Variants in SEMA3F observed in about 807,000 individuals in gnomAD.
The protein encoded by SEMA3F is semaphorin 3F, also known as semaphorin-3F.
Under a neutral mutation model 98.5 loss-of-function variants are expected in SEMA3F, and 30 were observed. That is an observed-to-expected ratio of 0.30 (90% CI 0.23 to 0.41). The LOEUF is 0.41. SEMA3F is among the 10% of genes least tolerant of loss of function. The probability of loss-of-function intolerance (pLI) is 1.00; values close to 1 mark genes in which losing one functional copy is unlikely to be tolerated. For synonymous variants in SEMA3F, 380 were observed against 444.8 expected (o/e 0.85, Z 1.83); for missense variants, 866 against 1,119.3 (o/e 0.77, Z 3.23).
chr3:50,183,305 G>A (rs1329702830), intron 11 of SEMA3F, 50 bp downstream of exon 11: 11 of 1,607,552 alleles, frequency 6.8e-6, no homozygotes, highest in Admixed American at 3.3e-5. Context: ...CCCGTTGGGG[G>A]ATTGTAACTC....
At chr3:50,168,177 C>G (rs1698473578) in intron 2 of SEMA3F, among the ~76,000 whole-genome samples, 1 of 152,014 alleles carries the variant, frequency 6.6e-6, no homozygotes, top group Non-Finnish European at 1.5e-5. Flanking sequence ...TCTGGAAGGC[C>G]TGGCTAGAGA....
At chr3:50,162,603 C>T (rs540164973) in intron 2 of SEMA3F, among the ~76,000 whole-genome samples, 1 of 152,222 alleles carries the variant, frequency 6.6e-6, no homozygotes, top group Admixed American at 6.5e-5. Context: ...CCTTCCCCCA[C>T]CTTGAGATGA....
chr3:50,172,185 A>G (rs892795958), intron 2 of SEMA3F, among the ~76,000 whole-genome samples: 2 of 151,816 alleles, frequency 1.3e-5, no homozygotes, highest in African/African-American at 4.8e-5. Flanking sequence ...GACATGTGTG[A>G]CCCCCTTGGT....
At chr3:50,181,769 T>A (rs1359732335) in intron 7 of SEMA3F, among the ~76,000 whole-genome samples, 3 of 152,092 alleles carry the variant, frequency 2.0e-5, no homozygotes, top group Non-Finnish European at 2.9e-5. Context: ...TACAGGCACC[T>A]GCCACCATGC....
chr3:50,166,500 G>A lies in SEMA3F; in HGVS notation c.112+6766G>A, dbSNP rs1485201686. Among the ~76,000 whole-genome samples, 1 of 152,214 alleles carries A rather than the reference G, an allele frequency of 6.6e-6. No individual in the cohort carries two copies. Among genetic ancestry groups the A allele is most frequent in the Admixed American group, 6.5e-5 (1 of 15,284 alleles). On this transcript the variant is annotated intron_variant, in intron 2 of 18. Transcript: ENST00000002829. This position sits in a 1 kb window ranked among gnomAD's most constrained non-coding sequence, Gnocchi z 4.7. ...GAGTGCTCACTGCCTGCCCTTGACT[G>A]GCTACCTGCTGAGTCCTGCTGAGGT...
At chr3:50,184,856 C>T (rs770739142) in intron 13 of SEMA3F, 42 bp downstream of exon 13, 43 of 1,492,818 alleles carry the variant, frequency 2.9e-5, no homozygotes, top group South Asian at 2.3e-4. Flanking sequence ...CTGGGCCCAC[C>T]GGGTGCGGGG....
intron 7 of SEMA3F, among the ~76,000 whole-genome samples, chr3:50,178,721 C>CAA (rs535984701): frequency 3.9e-5 from 4 of 101,422 alleles, no homozygotes; most frequent in Non-Finnish European, 2.1e-5. Context: ...GACTCTGGCT[C>CAA]AAAAAAAAAA....
Position 50,181,787 on chromosome 3 carries a change from A to G in SEMA3F, c.644-497A>G, listed in dbSNP as rs144172499. On this transcript the variant is annotated intron_variant, in intron 7 of 18. Coordinates refer to ENST00000002829, the MANE Select transcript of SEMA3F (RefSeq NM_004186.5). ...AGGCACCTGCCACCATGCCCAGAAA[A>G]TTTCTGTATTTTAGTATAGGTAGGG... Among the ~76,000 whole-genome samples the G allele has an allele frequency of 2.2e-4, 33 of 151,640 alleles. 1 individual carries two copies. The East Asian group carries it at 6.5e-3, about 30-fold the overall frequency.
rs1232740974 is a variant in SEMA3F at position 50,174,113 on chromosome 3, A to T, written c.335A>T (p.Asn112Ile). Reference protein sequence around the residue: ...EECVLSGKDVNGECGNFVRLI... With the variant: ...EECVLSGKDVIGECGNFVRLI... ...TGCGTGCTCTCAGGCAAGGATGTCA[A>T]CGTGAGTTTGGTGGGATCCACAGGT... Residue 112 changes from asparagine (N) to isoleucine (I), a missense_variant and splice_region_variant, in exon 4 of 19, where the codon AAC (asparagine) becomes ATC (isoleucine). Physicochemically the swap from Asn to Ile is moderately radical, Grantham distance 149. This residue lies in a region of SEMA3F where 247 missense variants were observed against 276.0 expected (regional missense o/e 0.89). Transcript: ENST00000002829. 4 of 1,614,016 alleles carry T rather than the reference A, an allele frequency of 2.5e-6. No homozygotes were observed. The African/African-American group carries it at 5.3e-5, about 22-fold the overall frequency.
At chr3:50,159,299 G>A (rs965576398) in intron 1 of SEMA3F, 2 of 288,778 alleles carry the variant, frequency 6.9e-6, no homozygotes, top group African/African-American at 4.4e-5. Flanking sequence ...GTTGGTCTGG[G>A]CCCTGTGAAT....
chr3:50,159,439 G>T, intron 1 of SEMA3F, 136 bp from the exon 2 acceptor site: 2 of 568,936 alleles, frequency 3.5e-6, no homozygotes. Context: ...CACATGAGGT[G>T]TGCACACAGG....
At chr3:50,163,203 G>A (rs542832150) in intron 2 of SEMA3F, among the ~76,000 whole-genome samples, 2 of 152,320 alleles carry the variant, frequency 1.3e-5, no homozygotes, top group South Asian at 2.1e-4. Flanking sequence ...TCCTAGCCTC[G>A]TTTCCCAAAG....
chr3:50,180,272 TC>T (rs1698969839), intron 7 of SEMA3F, among the ~76,000 whole-genome samples: 1 of 152,122 alleles, frequency 6.6e-6, no homozygotes, highest in Admixed American at 6.6e-5. Context: ...CAAGTGATTT[TC>T]CTGCCGCAGC....
chr3:50,167,204 G>C (rs1422381981), intron 2 of SEMA3F, among the ~76,000 whole-genome samples: 1 of 152,190 alleles, frequency 6.6e-6, no homozygotes, highest in Non-Finnish European at 1.5e-5. Flanking sequence ...CATGCACACT[G>C]TTAAGTTCCA....
chr3:50,178,766 G>A (rs1002857140), intron 7 of SEMA3F, among the ~76,000 whole-genome samples: 4 of 149,686 alleles, frequency 2.7e-5, no homozygotes, highest in African/African-American at 7.4e-5. Flanking sequence ...CAGATGTGCT[G>A]TCATTCAGGC....
chr3:50,166,312 T>A lies in SEMA3F; in HGVS notation c.112+6578T>A, dbSNP rs938204820. On this transcript the variant is annotated intron_variant, in intron 2 of 18. Coordinates refer to ENST00000002829, the MANE Select transcript of SEMA3F (RefSeq NM_004186.5). This position sits in a 1 kb window ranked among gnomAD's most constrained non-coding sequence, Gnocchi z 4.7. The stretch of plus-strand genomic sequence containing the variant: ...CTGTTCAGCCAGCACGGTTGCCTTC[T>A]AAGGGTCATACACTACAATTGGCAG... Among the ~76,000 whole-genome samples, 1 of 152,228 alleles carries A rather than the reference T, an allele frequency of 6.6e-6. No individual in the cohort carries two copies. The highest frequency in any genetic ancestry group is 1.5e-5 in the Non-Finnish European group (1 of 68,028).
intron 3 of SEMA3F, 25 bp downstream of exon 3, chr3:50,173,978 C>T (rs201333607): frequency 2.5e-4 from 408 of 1,613,920 alleles, no homozygotes; most frequent in Non-Finnish European, 3.3e-4. Context: ...TGATGTGGGA[C>T]GTGGGGTGGG....
intron 2 of SEMA3F, among the ~76,000 whole-genome samples, chr3:50,170,083 G>A (rs1698546745): frequency 6.6e-6 from 1 of 152,164 alleles, no homozygotes; most frequent in African/African-American, 2.4e-5. Context: ...AGCTGGGGGT[G>A]CAGGGCTGTC....
chr3:50,159,664 C>A lies in SEMA3F; in HGVS notation c.42C>A (p.Thr14=). 6.2e-7 allele frequency: 1 copy of A among 1,612,610 alleles called. No individual in the cohort carries two copies. The highest frequency in any genetic ancestry group is 8.5e-7 in the Non-Finnish European group (1 of 1,179,424). ...AGLLLWASLL[T]GAWPSFPTQD... Reference sequence around the variant, plus strand: ...TTCTTCTCTGGGCTTCCCTACTGACCGGGGCCTGGCCATCCTTCCCCACCC... The same window carrying A: ...TTCTTCTCTGGGCTTCCCTACTGACAGGGGCCTGGCCATCCTTCCCCACCC... The change falls in exon 2 of 19, where the codon ACC becomes ACA. Residue 14 remains threonine (T), a synonymous_variant. Coordinates refer to ENST00000002829, the MANE Select transcript of SEMA3F (RefSeq NM_004186.5).
Sources: gnomAD v4.1 joint callset for allele counts (sites outside exome capture counted in the v4.1 genomes callset) on GRCh38, gnomAD v4.1.1 for gene constraint, gnomAD v4.1.1 regional missense constraint, Gnocchi (gnomAD v3.1) non-coding constraint, MANE v1.5 for transcripts, NCBI Gene and HGNC (gene_info 2026-07-23, HGNC 2026-07-21) for gene names.